Variants in PTPRN2 observed in about 807,000 individuals in gnomAD.
PTPRN2 encodes receptor-type tyrosine-protein phosphatase N2.
Under a neutral mutation model 118.8 loss-of-function variants are expected in PTPRN2, and 74 were observed. The observed-to-expected ratio is 0.62, with a 90% CI of 0.52 to 0.76. The LOEUF (loss-of-function observed/expected upper bound fraction) is 0.76, where lower values mean the gene tolerates loss of function less well. Among genes scored for constraint, PTPRN2 ranks in the 30% least tolerant of loss-of-function variants. The pLI, the probability that PTPRN2 is intolerant of heterozygous loss-of-function variation, is 0.00. For missense variants in PTPRN2, 1,481 were observed against 1,394.4 expected (o/e 1.06, Z -0.99); for synonymous variants, 641 against 608.0 (o/e 1.05, Z -0.80).
intron 4 of PTPRN2, among the ~76,000 whole-genome samples, chr7:158,196,644 C>T (rs1486216897): frequency 6.6e-6 from 1 of 152,232 alleles, no homozygotes; most frequent in African/African-American, 2.4e-5. Context: ...TCCAGACACC[C>T]AACCGAGATG....
At chr7:157,777,977 C>CAA (rs5888729) in intron 12 of PTPRN2, among the ~76,000 whole-genome samples, 2,060 of 109,620 alleles carry the variant, frequency 0.019, 52 homozygotes, top group African/African-American at 0.06. Context: ...TACACCACAG[C>CAA]AAAAAAAAAA....
At chr7:158,424,796 G>T (rs569399391) in intron 2 of PTPRN2, among the ~76,000 whole-genome samples, 8 of 151,346 alleles carry the variant, frequency 5.3e-5, no homozygotes, top group South Asian at 2.1e-4. Flanking sequence ...CCCACGCCAG[G>T]TGTGCTCAGC....
chr7:157,860,359 AC>A (rs562595862), intron 12 of PTPRN2, among the ~76,000 whole-genome samples: 10 of 152,216 alleles, frequency 6.6e-5, no homozygotes, highest in African/African-American at 2.4e-4. Flanking sequence ...CCCACAGTCC[AC>A]CCACAGCCTT....
intron 12 of PTPRN2, among the ~76,000 whole-genome samples, chr7:157,700,956 AT>A (rs1199464658): frequency 3.0e-4 from 45 of 152,290 alleles, no homozygotes; most frequent in African/African-American, 1.1e-3. Context: ...CGGACTGCTC[AT>A]CATTTCACGC....
At chr7:157,614,961 AC>A (rs1480510893) in intron 15 of PTPRN2, among the ~76,000 whole-genome samples, 1 of 152,208 alleles carries the variant, frequency 6.6e-6, no homozygotes, top group East Asian at 1.9e-4. Flanking sequence ...GTTAGAGGGC[AC>A]TGAGGGATTG....
chr7:157,900,309 C>T (rs1797368391), intron 11 of PTPRN2, among the ~76,000 whole-genome samples: 1 of 152,196 alleles, frequency 6.6e-6, no homozygotes, highest in Non-Finnish European at 1.5e-5. Flanking sequence ...TGGCTGTGTT[C>T]CAACAAACCT....
rs193149131 is a variant in PTPRN2 at position 157,720,288 on chromosome 7, G to A, written c.1789-37351C>T. On this transcript the variant is annotated intron_variant, in intron 12 of 22. Transcript: ENST00000389418. ...AGCTACCCTCGCCCCATCATGCCGC[G>A]GTGACACTGCAGCCACTCTTGGTTT... Among the ~76,000 whole-genome samples, 15 of 152,252 alleles carry A rather than the reference G, an allele frequency of 9.9e-5. No individual in the cohort carries two copies. In the East Asian group the frequency reaches 1.9e-3, roughly 20 times the overall value.
chr7:157,981,739 A>G (rs1286154852), intron 11 of PTPRN2, among the ~76,000 whole-genome samples: 1 of 152,244 alleles, frequency 6.6e-6, no homozygotes, highest in Admixed American at 6.5e-5. Context: ...GGCGTTTCCA[A>G]GTTAATTAAT....
chr7:158,403,624 G>A (rs1472261706), intron 2 of PTPRN2, among the ~76,000 whole-genome samples: 1 of 152,164 alleles, frequency 6.6e-6, no homozygotes, highest in Non-Finnish European at 1.5e-5. Context: ...GCTGCCTGTC[G>A]GACTGGAAGT....
intron 1 of PTPRN2, chr7:158,539,949 C>T (rs1400623169): frequency 1.2e-5 from 3 of 241,952 alleles, no homozygotes; most frequent in Non-Finnish European, 8.2e-6. Context: ...CGGCTGGAAC[C>T]GGACGGTGCA....
intron 2 of PTPRN2, among the ~76,000 whole-genome samples, chr7:158,326,080 A>G (rs919080915): frequency 5.9e-5 from 9 of 152,164 alleles, no homozygotes; most frequent in African/African-American, 2.2e-4. Flanking sequence ...GACCACATCC[A>G]GGGCCCCACA....
chr7:158,443,812 G>A (rs1000207308), intron 2 of PTPRN2, among the ~76,000 whole-genome samples: 4 of 152,204 alleles, frequency 2.6e-5, no homozygotes, highest in Non-Finnish European at 5.9e-5. Context: ...GGCTCTGGGG[G>A]TCCTTGTCTG....
At chr7:157,772,338 C>T (rs1263273427) in intron 12 of PTPRN2, among the ~76,000 whole-genome samples, 6 of 137,718 alleles carry the variant, frequency 4.4e-5, no homozygotes, top group East Asian at 2.1e-4. Context: ...CACATACACA[C>T]AGACATACAC....
intron 11 of PTPRN2, among the ~76,000 whole-genome samples, chr7:158,060,917 G>A (rs1449111104): frequency 6.6e-6 from 1 of 152,226 alleles, no homozygotes; most frequent in East Asian, 1.9e-4. Flanking sequence ...TTTACCAAGT[G>A]AGCTTGTATC....
At chr7:157,815,729 A>C (rs1181336027) in intron 12 of PTPRN2, among the ~76,000 whole-genome samples, 1 of 152,090 alleles carries the variant, frequency 6.6e-6, no homozygotes, top group East Asian at 1.9e-4. Flanking sequence ...AGCTGTAGAG[A>C]TCCTGGGACA....
intron 5 of PTPRN2, among the ~76,000 whole-genome samples, chr7:158,168,879 G>A (rs1823270475): frequency 6.6e-6 from 1 of 152,146 alleles, no homozygotes; most frequent in Admixed American, 6.5e-5. Flanking sequence ...TCTGACTTGG[G>A]CTTCATCAAA....
chr7:158,251,649 T>TGG (rs1796679907), intron 3 of PTPRN2, among the ~76,000 whole-genome samples: 1 of 122,228 alleles, frequency 8.2e-6, no homozygotes, highest in Non-Finnish European at 1.7e-5. Context: ...GCACATGTGG[T>TGG]GTGCACAGGT....
At chr7:158,087,681 A>T (rs868576846) in intron 10 of PTPRN2, among the ~76,000 whole-genome samples, 4 of 145,134 alleles carry the variant, frequency 2.8e-5, no homozygotes, top group Non-Finnish European at 4.5e-5. Context: ...GGGAGTCTTC[A>T]CACAAACCTT....
intron 3 of PTPRN2, among the ~76,000 whole-genome samples, chr7:158,269,237 C>G (rs973922939): frequency 1.3e-4 from 20 of 152,220 alleles, no homozygotes; most frequent in Non-Finnish European, 1.8e-4. Flanking sequence ...ATCGCCAAAC[C>G]TCGTCTCCTC....
Sources: allele counts gnomAD v4.1 joint callset (sites outside exome capture counted in the v4.1 genomes callset), GRCh38; gene constraint gnomAD v4.1.1; transcripts MANE v1.5; gene names NCBI Gene and HGNC (gene_info 2026-07-23, HGNC 2026-07-21).